Variants in CACNA2D3 observed in about 807,000 individuals in gnomAD.
CACNA2D3 encodes the protein voltage-dependent calcium channel subunit alpha-2/delta-3.
A neutral mutation model predicts 160.6 loss-of-function variants in CACNA2D3; 60 were observed. That is an observed-to-expected ratio of 0.37 (90% CI 0.30 to 0.46). The LOEUF (loss-of-function observed/expected upper bound fraction) is 0.46, where lower values mean the gene tolerates loss of function less well. Ranked by LOEUF, CACNA2D3 falls within the 20% of genes least tolerant of loss-of-function variation. The pLI, the probability that CACNA2D3 is intolerant of heterozygous loss-of-function variation, is 1.00. For synonymous variants in CACNA2D3, 558 were observed against 492.9 expected, an observed-to-expected ratio of 1.13 and a Z score of -1.75; for missense variants, 1,205 against 1,365.0, an observed-to-expected ratio of 0.88 and a Z score of 1.85.
chr3:54,306,328 T>TGAGAGAGA (rs140311356), intron 2 of CACNA2D3, among the ~76,000 whole-genome samples: 13 of 151,332 alleles, frequency 8.6e-5, no homozygotes, highest in African/African-American at 2.4e-4. Flanking sequence ...TGTGTGTATA[T>TGAGAGAGA]GAGAGAGAGA....
At chr3:54,875,701 T>G (rs943705681) in intron 18 of CACNA2D3, 3 of 152,258 alleles carry the variant, frequency 2.0e-5, no homozygotes, top group African/African-American at 7.2e-5. Context: ...AAGGAGCTTC[T>G]GCTTCAGCAC....
At chr3:54,503,031 A>G (rs913615265) in intron 4 of CACNA2D3, among the ~76,000 whole-genome samples, 1 of 152,320 alleles carries the variant, frequency 6.6e-6, no homozygotes, top group Non-Finnish European at 1.5e-5. Flanking sequence ...AACACCATGT[A>G]TAAACACACA....
intron 17 of CACNA2D3, among the ~76,000 whole-genome samples, chr3:54,847,061 C>G (rs1220387287): frequency 6.6e-6 from 1 of 152,208 alleles, no homozygotes; most frequent in Non-Finnish European, 1.5e-5. Context: ...CTTTCTTTCT[C>G]TCAGTATCAT....
rs572448253 is a variant in CACNA2D3, at chr3:54,287,668, A to G, written c.205-32774A>G. The stretch of plus-strand genomic sequence containing the variant: ...ACACCTATTCCAAAATTGACCACAT[A>G]CTTGGAAGTAAAGCTCTCCTCAGCA... On this transcript the variant is annotated intron_variant, in intron 2 of 37. Coordinates refer to ENST00000474759, the MANE Select transcript of CACNA2D3 (RefSeq NM_018398.3). 7.1e-3 allele frequency among the ~76,000 whole-genome samples: 1,025 copies of G among 143,858 alleles called. 14 individuals carry two copies. Among genetic ancestry groups the G allele is most frequent in the African/African-American group, 0.025 (961 of 39,044 alleles). 94.4% of individuals were successfully genotyped at this position (143,858 alleles called of 152,430 possible). A position where few individuals can be genotyped will look rare whatever the true frequency, so the allele number is the denominator to read the frequency against.
intron 2 of CACNA2D3, among the ~76,000 whole-genome samples, chr3:54,279,446 T>A (rs1394974477): frequency 6.6e-6 from 1 of 152,176 alleles, no homozygotes; most frequent in East Asian, 1.9e-4. Flanking sequence ...ATTGGAATCC[T>A]GACAAGCTCC....
At chr3:54,619,954 T>C (rs1698946794) in intron 9 of CACNA2D3, among the ~76,000 whole-genome samples, 1 of 152,132 alleles carries the variant, frequency 6.6e-6, no homozygotes, top group Non-Finnish European at 1.5e-5. Context: ...CAGGAGGAAT[T>C]AGATCAAGAG....
intron 2 of CACNA2D3, among the ~76,000 whole-genome samples, chr3:54,315,675 C>T (rs2107503340): frequency 6.6e-6 from 1 of 152,290 alleles, no homozygotes; most frequent in East Asian, 1.9e-4. Context: ...CCACCTGCAA[C>T]ATGGGGGTTT....
intron 17 of CACNA2D3, among the ~76,000 whole-genome samples, chr3:54,853,859 A>G (rs1008728105): frequency 6.6e-6 from 1 of 151,924 alleles, no homozygotes; most frequent in African/African-American, 2.4e-5. Flanking sequence ...TGCCGGCCAC[A>G]GCCTATGGGG....
intron 3 of CACNA2D3, among the ~76,000 whole-genome samples, chr3:54,376,845 T>G (rs530701787): frequency 6.6e-6 from 1 of 152,294 alleles, no homozygotes; most frequent in South Asian, 2.1e-4. Flanking sequence ...ACACGATATA[T>G]TCCTTCCCAA....
At chr3:54,483,529 C>G (rs1700967361) in intron 4 of CACNA2D3, among the ~76,000 whole-genome samples, 1 of 152,166 alleles carries the variant, frequency 6.6e-6, no homozygotes, top group African/African-American at 2.4e-5. Context: ...AGCATTATCT[C>G]AAATGAAGTG....
intron 4 of CACNA2D3, among the ~76,000 whole-genome samples, chr3:54,403,992 AT>A: frequency 6.6e-6 from 1 of 152,322 alleles, no homozygotes; most frequent in Admixed American, 6.5e-5. Context: ...TGAAGTAGTA[AT>A]TAAAAGCCTC....
intron 4 of CACNA2D3, among the ~76,000 whole-genome samples, chr3:54,415,169 G>A (rs1327508027): frequency 2.6e-5 from 4 of 152,070 alleles, no homozygotes; most frequent in Admixed American, 6.6e-5. Flanking sequence ...CATTAAGATG[G>A]CTGACTGCAG....
chr3:55,006,632 C>T (rs1037168935), intron 32 of CACNA2D3, among the ~76,000 whole-genome samples: 1 of 152,140 alleles, frequency 6.6e-6, no homozygotes, highest in African/African-American at 2.4e-5. Flanking sequence ...TGGAAGCACT[C>T]GGTTGAACCA....
At chr3:54,538,671 T>C (rs1398062966) in intron 5 of CACNA2D3, among the ~76,000 whole-genome samples, 1 of 152,130 alleles carries the variant, frequency 6.6e-6, no homozygotes. Context: ...TTCTGAGGGA[T>C]TCACTGTCCT....
At chr3:54,925,796 C>T (rs1357833591) in intron 27 of CACNA2D3, among the ~76,000 whole-genome samples, 1 of 152,158 alleles carries the variant, frequency 6.6e-6, no homozygotes, top group Non-Finnish European at 1.5e-5. Flanking sequence ...CTATTTTAAA[C>T]AACAGTAGCC....
At chr3:54,813,852 G>A (rs752787045) in intron 13 of CACNA2D3, among the ~76,000 whole-genome samples, 10 of 147,680 alleles carry the variant, frequency 6.8e-5, no homozygotes, top group Non-Finnish European at 1.3e-4. Flanking sequence ...CTGCTATTTG[G>A]TTATAATATT....
At chr3:54,699,924 C>G (rs982125280) in intron 11 of CACNA2D3, among the ~76,000 whole-genome samples, 1 of 152,100 alleles carries the variant, frequency 6.6e-6, no homozygotes, top group Non-Finnish European at 1.5e-5. Flanking sequence ...CTATGCCAAC[C>G]CAAACAACCA....
At chr3:54,763,779 A>G (rs796757851) in intron 12 of CACNA2D3, among the ~76,000 whole-genome samples, 258 of 19,974 alleles carry the variant, frequency 0.013, 63 homozygotes, top group Non-Finnish European at 0.024. Context: ...GTATATATGT[A>G]CATATATATG....
At chr3:54,846,035 T>C (rs1293707646) in intron 16 of CACNA2D3, among the ~76,000 whole-genome samples, 1 of 152,156 alleles carries the variant, frequency 6.6e-6, no homozygotes, top group Admixed American at 6.5e-5. Flanking sequence ...GGCACCTCCA[T>C]TGATAAAGTT....
Sources: allele counts gnomAD v4.1 joint callset (sites outside exome capture counted in the v4.1 genomes callset), GRCh38; gene constraint gnomAD v4.1.1; transcripts MANE v1.5; gene names NCBI Gene and HGNC (gene_info 2026-07-23, HGNC 2026-07-21).